The following IPO5 variants were observed in gnomAD, a reference collection of about 807,000 sequenced individuals.
The protein encoded by IPO5 is importin 5.
IPO5 carries 18 observed loss-of-function variants against 143.3 expected under a neutral mutation model. That is an observed-to-expected ratio of 0.13 (90% CI 0.09 to 0.19). The LOEUF (loss-of-function observed/expected upper bound fraction) is 0.19. Among genes scored for constraint, IPO5 ranks in the 10% least tolerant of loss-of-function variants. The pLI is 1.00. For missense variants in IPO5, 1,013 were observed against 1,336.9 expected (o/e 0.76, Z 3.78); for synonymous variants, 477 against 465.7 (o/e 1.02, Z -0.31).
At chr13:98,012,869 C>A (rs34512140) in intron 21 of IPO5, among the ~76,000 whole-genome samples, 3,338 of 144,532 alleles carry the variant, frequency 0.023, 55 homozygotes, top group Admixed American at 0.033. Context: ...TGGTCTCAAA[C>A]TCCTGGGCTC....
intron 2 of IPO5, among the ~76,000 whole-genome samples, chr13:97,957,195 CT>C (rs537800340): frequency 5.4e-4 from 79 of 147,084 alleles, no homozygotes; most frequent in East Asian, 1.4e-3. Flanking sequence ...GATCTAACAT[CT>C]TTTTTTTTTT....
chr13:97,985,533 T>G lies in IPO5; in HGVS notation c.284T>G (p.Met95Arg). The stretch of plus-strand genomic sequence containing the variant: ...ACTGCCATCAAGAGTGAGCTACTCA[T>G]GATTATTCAGATGGAAACACAATCT... ...VQTAIKSELL[M>R]IIQMETQSSM... The change falls in exon 6 of 29, where the codon ATG becomes AGG. Residue 95 changes from methionine (M) to arginine (R), a missense_variant. This residue lies in a region of IPO5 where 328 missense variants were observed against 342.0 expected (regional missense o/e 0.96). Coordinates refer to ENST00000651721, the MANE Select transcript of IPO5 (RefSeq NM_002271.6). The G allele has an allele frequency of 6.2e-7, 1 of 1,614,062 alleles. No individual in the cohort carries two copies. Among genetic ancestry groups the G allele is most frequent in the South Asian group, 1.1e-5 (1 of 91,084 alleles).
intron 2 of IPO5, among the ~76,000 whole-genome samples, chr13:97,956,713 CT>C (rs1355732666): frequency 6.6e-6 from 1 of 152,106 alleles, no homozygotes; most frequent in Non-Finnish European, 1.5e-5. Context: ...AGATTTAGCC[CT>C]TATCCTCAAT....
intron 12 of IPO5, among the ~76,000 whole-genome samples, chr13:97,998,664 C>G (rs1429507449): frequency 6.6e-6 from 1 of 152,144 alleles, no homozygotes; most frequent in Non-Finnish European, 1.5e-5. Context: ...AACATAGCAC[C>G]TCTGAGCTCT....
chr13:98,011,774 G>T (rs1383913106), intron 20 of IPO5, among the ~76,000 whole-genome samples: 1 of 152,110 alleles, frequency 6.6e-6, no homozygotes, highest in African/African-American at 2.4e-5. Flanking sequence ...CAAAGTGCTG[G>T]GATTACAAGC....
chr13:98,000,348 A>C (rs189834682), intron 12 of IPO5, among the ~76,000 whole-genome samples, 191 bp from the exon 13 acceptor site: 25 of 152,280 alleles, frequency 1.6e-4, no homozygotes, highest in African/African-American at 5.8e-4. Context: ...TCATGATAAA[A>C]ACATTTACTC....
chr13:97,983,472 A>G (rs1887027240), intron 5 of IPO5, among the ~76,000 whole-genome samples: 1 of 151,712 alleles, frequency 6.6e-6, no homozygotes, highest in Non-Finnish European at 1.5e-5. Context: ...TATGGTAAAA[A>G]CAAGGCTATT....
intron 3 of IPO5, among the ~76,000 whole-genome samples, chr13:97,970,070 T>C (rs1885691776): frequency 6.6e-6 from 1 of 152,024 alleles, no homozygotes; most frequent in Non-Finnish European, 1.5e-5. Flanking sequence ...GCTATTTTAT[T>C]CTCCAGCAAA....
At chr13:97,974,451 C>T (rs370588328) in intron 3 of IPO5, among the ~76,000 whole-genome samples, 116 of 151,866 alleles carry the variant, frequency 7.6e-4, no homozygotes, top group Middle Eastern at 6.8e-3. Flanking sequence ...GGATTACAGG[C>T]GCCCACCACC....
chr13:97,986,610 A>G (rs913240992), intron 6 of IPO5, among the ~76,000 whole-genome samples: 1 of 152,250 alleles, frequency 6.6e-6, no homozygotes, highest in South Asian at 2.1e-4. Context: ...TCGGCCTCCC[A>G]AAGTGATGGG....
chr13:97,989,964 C>T (rs886162022), intron 7 of IPO5, among the ~76,000 whole-genome samples, 162 bp from the exon 8 acceptor site: 2 of 152,278 alleles, frequency 1.3e-5, no homozygotes, highest in African/African-American at 2.4e-5. Flanking sequence ...ATTCACTTAA[C>T]CCAAAAACAG....
rs577921342 is a variant in IPO5 at position 97,970,743 on chromosome 13, C to T, written c.-5+913C>T. ...TGTAGCATTGAAAGCCAGAAATAGC[C>T]TTTAATAGCTCTGTGATAATCAAAT... is the stretch of plus-strand genomic sequence containing the variant. On this transcript the variant is annotated intron_variant, in intron 3 of 28. Transcript: ENST00000651721. 6.6e-5 allele frequency among the ~76,000 whole-genome samples: 10 copies of T among 152,336 alleles called. No individual in the cohort carries two copies. The South Asian group carries it at 8.3e-4, about 13-fold the overall frequency.
chr13:97,975,356 T>C (rs1157698200), intron 3 of IPO5, among the ~76,000 whole-genome samples: 1 of 151,960 alleles, frequency 6.6e-6, no homozygotes, highest in African/African-American at 2.4e-5. Context: ...CTGGGCATGG[T>C]GGAACATGCC....
chr13:98,011,849 T>C (rs998294665), intron 20 of IPO5, among the ~76,000 whole-genome samples: 1 of 152,274 alleles, frequency 6.6e-6, no homozygotes, highest in Non-Finnish European at 1.5e-5. Context: ...TTTCTACAGA[T>C]TTACAAAGTA....
At chr13:97,974,021 C>T (rs1204814851) in intron 3 of IPO5, among the ~76,000 whole-genome samples, 1 of 152,074 alleles carries the variant, frequency 6.6e-6, no homozygotes, top group African/African-American at 2.4e-5. Flanking sequence ...TGAGATCACA[C>T]CACTGCTCTC....
At chr13:97,961,173 C>T (rs1482519921) in intron 2 of IPO5, among the ~76,000 whole-genome samples, 7 of 152,154 alleles carry the variant, frequency 4.6e-5, no homozygotes, top group South Asian at 4.1e-4. Flanking sequence ...TCTTTTATTG[C>T]GAAGTAATAT....
chr13:97,959,183 AAGAG>A (rs1168117842), intron 2 of IPO5, among the ~76,000 whole-genome samples: 13 of 151,602 alleles, frequency 8.6e-5, no homozygotes, highest in African/African-American at 2.7e-4. Flanking sequence ...AAAAAAAAAA[AAGAG>A]AGAGAACAAG....
rs566255473 is a variant in IPO5 at position 98,006,266 on chromosome 13, C to T, written c.1634C>T (p.Ala545Val). 8 of 1,599,422 alleles carry T rather than the reference C, an allele frequency of 5.0e-6. No individual in the cohort carries two copies. The highest frequency in any genetic ancestry group is 1.4e-5 in the African/African-American group (1 of 72,320). The change falls in exon 17 of 29, where the codon GCG becomes GTG. Residue 545 changes from alanine (A) to valine (V), a missense_variant. Physicochemically the swap from Ala to Val is moderately conservative, Grantham distance 64 (BLOSUM62 0). Coordinates refer to ENST00000651721, the MANE Select transcript of IPO5 (RefSeq NM_002271.6). ...TCACTGAAGCACATCGTTGAGAATG[C>T]GGTTCAAAAAGAACTGAGACTTCTG... is the stretch of plus-strand genomic sequence containing the variant. ...MPSLKHIVEN[A>V]VQKELRLLRG... is the part of the protein sequence containing the mutation.
At chr13:97,965,263 T>C (rs1211838927) in intron 2 of IPO5, among the ~76,000 whole-genome samples, 3 of 152,082 alleles carry the variant, frequency 2.0e-5, no homozygotes, top group Non-Finnish European at 4.4e-5. Context: ...ACCTAGATGA[T>C]GGGTTGGTAG....
Sources: gnomAD v4.1 joint callset for allele counts (sites outside exome capture counted in the v4.1 genomes callset) on GRCh38, gnomAD v4.1.1 for gene constraint, gnomAD v4.1.1 regional missense constraint, MANE v1.5 for transcripts, NCBI Gene and HGNC (gene_info 2026-07-23, HGNC 2026-07-21) for gene names.